FGD4: variants seen among roughly 807,000 people sequenced by gnomAD.
FGD4 encodes the protein FYVE, RhoGEF and PH domain containing 4, also known as FYVE, RhoGEF and PH domain-containing protein 4.
A neutral mutation model predicts 102.0 loss-of-function variants in FGD4; 42 were observed. The ratio of observed to expected loss-of-function variants is 0.41; its 90% CI spans 0.32 to 0.53. The LOEUF is 0.53. Among genes scored for constraint, FGD4 ranks in the 20% least tolerant of loss-of-function variants. FGD4 has a pLI of 0.21. For missense variants in FGD4, 902 were observed against 1,078.2 expected (o/e 0.84, Z 2.29); for synonymous variants, 380 against 375.7 (o/e 1.01, Z -0.13).
chr12:32,596,839 G>T (rs1270338419), intron 4 of FGD4, among the ~76,000 whole-genome samples: 1 of 151,788 alleles, frequency 6.6e-6, no homozygotes, highest in Non-Finnish European at 1.5e-5. Context: ...GGAGACTGAG[G>T]CAGGAGAATC....
At chr12:32,407,518 C>T (rs1940997494) in intron 1 of FGD4, among the ~76,000 whole-genome samples, 2 of 152,200 alleles carry the variant, frequency 1.3e-5, no homozygotes, top group South Asian at 4.1e-4. Flanking sequence ...GTAAACCCCA[C>T]TTTGGTCCTG....
At chr12:32,640,198 G>A (rs1414846038) in intron 16 of FGD4, 78 bp from the exon 17 acceptor site, 10 of 1,607,378 alleles carry the variant, frequency 6.2e-6, no homozygotes, top group South Asian at 1.1e-5. Flanking sequence ...GGTAGGAAGA[G>A]AGGTTTAGTA....
Position 32,399,668 on chromosome 12 carries a change from G to A in FGD4, c.-126G>A. The stretch of plus-strand genomic sequence containing the variant: ...AGGGAGAGGAGGCACTCGCTGAGGA[G>A]ACGCCGCAGTAGAGGGCGCCCCCGG... On this transcript the variant is annotated 5_prime_UTR_variant, in exon 1 of 17. Transcript: ENST00000534526. The A allele has an allele frequency of 2.8e-6, 4 of 1,432,252 alleles. No individual in the cohort carries two copies. Among genetic ancestry groups the A allele is most frequent in the Non-Finnish European group, 3.6e-6 (4 of 1,102,644 alleles). 88.7% of individuals were successfully genotyped at this position (1,432,252 alleles called of 1,614,324 possible).
intron 4 of FGD4, among the ~76,000 whole-genome samples, chr12:32,597,752 A>G (rs1024987921): frequency 6.6e-6 from 1 of 152,232 alleles, no homozygotes; most frequent in Non-Finnish European, 1.5e-5. Flanking sequence ...ACAAAATAAA[A>G]TGGGCAGACA....
chr12:32,472,176 C>G (rs977548209), intron 1 of FGD4, among the ~76,000 whole-genome samples: 32 of 152,344 alleles, frequency 2.1e-4, no homozygotes, highest in Non-Finnish European at 4.4e-4. Flanking sequence ...CCTGCCTGGG[C>G]TCCCACTTTG....
At chr12:32,542,591 A>C (rs1316810980) in intron 1 of FGD4, among the ~76,000 whole-genome samples, 1 of 152,250 alleles carries the variant, frequency 6.6e-6, no homozygotes, top group East Asian at 1.9e-4. Flanking sequence ...GGCAGAAGCA[A>C]GGGAAAAGCC....
chr12:32,565,542 T>C (rs931798309), intron 2 of FGD4, among the ~76,000 whole-genome samples: 1 of 152,214 alleles, frequency 6.6e-6, no homozygotes, highest in Non-Finnish European at 1.5e-5. Context: ...ATATTAATAA[T>C]GAATACAATT....
rs1950992375 is a variant in FGD4 at position 32,638,765 on chromosome 12, T to G, written c.2424T>G (p.Pro808=). 2 of 1,614,042 alleles carry G rather than the reference T, an allele frequency of 1.2e-6. No individual in the cohort carries two copies. The highest frequency in any genetic ancestry group is 1.7e-6 in the Non-Finnish European group (2 of 1,180,040). ...GGTGTGTGATCCCCAAGCAAGACCC[T>G]CTTGTGCTGTACATGTATGGTGCCC... ...KAWCVIPKQD[P]LVLYMYGAPQ... Residue 808 remains proline, a synonymous_variant, in exon 16 of 17, where the codon CCT becomes CCG. Coordinates refer to ENST00000534526, the MANE Select transcript of FGD4 (RefSeq NM_001370298.3).
chr12:32,574,142 C>T (rs1945924872), intron 2 of FGD4, among the ~76,000 whole-genome samples: 1 of 152,124 alleles, frequency 6.6e-6, no homozygotes, highest in Non-Finnish European at 1.5e-5. Context: ...AGAGTCATCC[C>T]TGAGAAAGTG....
intron 1 of FGD4, among the ~76,000 whole-genome samples, chr12:32,557,712 A>T (rs4931637): frequency 0.32 from 48,367 of 152,086 alleles, 9,120 homozygotes; most frequent in African/African-American, 0.51. Context: ...TTGAAATAAC[A>T]CTCAAATAAA....
At chr12:32,448,658 CAA>C (rs112621517) in intron 1 of FGD4, among the ~76,000 whole-genome samples, 47 of 85,466 alleles carry the variant, frequency 5.5e-4, no homozygotes, top group Non-Finnish European at 4.8e-4. Context: ...AACTCCATCG[CAA>C]AAAAAAAAAA....
intron 1 of FGD4, among the ~76,000 whole-genome samples, chr12:32,535,867 T>G (rs1014653140): frequency 1.3e-5 from 2 of 152,182 alleles, no homozygotes; most frequent in African/African-American, 4.8e-5. Context: ...TTGATAAACA[T>G]AGAGAACTTG....
intron 1 of FGD4, among the ~76,000 whole-genome samples, chr12:32,408,250 T>C (rs1941034510): frequency 1.3e-5 from 2 of 149,118 alleles, no homozygotes; most frequent in African/African-American, 5.0e-5. Context: ...CTCACTGCAA[T>C]CTCTGCCTCC....
chr12:32,596,081 T>G (rs2036267), intron 4 of FGD4, among the ~76,000 whole-genome samples: 42,979 of 152,184 alleles, frequency 0.28, 6,317 homozygotes, highest in Middle Eastern at 0.48. Flanking sequence ...AAATATACTT[T>G]GGTCTACTTT....
chr12:32,443,860 G>GA (rs1942528319), intron 1 of FGD4, among the ~76,000 whole-genome samples: 1 of 151,170 alleles, frequency 6.6e-6, no homozygotes, highest in Non-Finnish European at 1.5e-5. Flanking sequence ...TTTGAAGAAG[G>GA]AAAAATATTT....
intron 1 of FGD4, among the ~76,000 whole-genome samples, chr12:32,538,699 AAGAAATCTGGAGCG>A (rs1459788266): frequency 3.9e-5 from 6 of 152,214 alleles, no homozygotes; most frequent in Non-Finnish European, 8.8e-5. Flanking sequence ...GTGTGAAACC[AAGAAATCTGGAGCG>A]ATACTGTCTG....
intron 4 of FGD4, among the ~76,000 whole-genome samples, chr12:32,584,733 G>A (rs1248803137): frequency 6.6e-6 from 1 of 152,042 alleles, no homozygotes; most frequent in East Asian, 1.9e-4. Flanking sequence ...CCAATGTGTT[G>A]AACTTCTAAG....
chr12:32,624,294 TG>T, intron 11 of FGD4, 127 bp from the exon 12 acceptor site: 1 of 722,314 alleles, frequency 1.4e-6, no homozygotes, highest in Non-Finnish European at 2.4e-6. Context: ...GATTAATTTT[TG>T]TTATAATTCC....
intron 15 of FGD4, among the ~76,000 whole-genome samples, chr12:32,635,512 G>A (rs1950750970): frequency 6.6e-6 from 1 of 152,066 alleles, no homozygotes; most frequent in Non-Finnish European, 1.5e-5. Context: ...ATGCATATTC[G>A]AGACTGATTT....
Sources: gnomAD v4.1 joint callset for allele counts (sites outside exome capture counted in the v4.1 genomes callset) on GRCh38, gnomAD v4.1.1 for gene constraint, MANE v1.5 for transcripts, NCBI Gene and HGNC (gene_info 2026-07-23, HGNC 2026-07-21) for gene names.